The following VWF variants were observed in gnomAD, a reference collection of about 807,000 sequenced individuals.
VWF encodes von Willebrand factor, also known as Factor VIII related antigen.
VWF carries 176 observed loss-of-function variants against 308.6 expected under a neutral mutation model. The observed-to-expected ratio is 0.57, with a 90% CI of 0.50 to 0.65. VWF has a LOEUF of 0.65. Ranked by LOEUF, VWF falls within the 30% of genes least tolerant of loss-of-function variation. VWF has a pLI of 0.00. For missense variants in VWF, 3,146 were observed against 3,648.2 expected (o/e 0.86, Z 3.55); for synonymous variants, 1,385 against 1,443.4 (o/e 0.96, Z 0.92).
chr12:6,031,711 T>C, intron 20 of VWF, 133 bp from the exon 21 acceptor site: 1 of 1,375,020 alleles, frequency 7.3e-7, no homozygotes, highest in Non-Finnish European at 1.0e-6. Flanking sequence ...GCTGCGCATA[T>C]GTGCCTCTGT....
Position 6,018,446 on chromosome 12 carries a change from G to C in VWF, c.4972C>G (p.Pro1658Ala). Residue 1658 changes from proline to alanine, a missense_variant, in exon 28 of 52, where the codon CCC (proline) becomes GCC (alanine). Around this residue, in one of 3 missense-constraint regions of VWF, gnomAD observed 853 missense variants for 1,177.8 expected, o/e 0.72. Coordinates refer to ENST00000261405, the MANE Select transcript of VWF (RefSeq NM_000552.5). ...AGCACCAGGTCAGGAGCCTCTCGGG[G>C]GAGCGTCTCAAAGTCCTGGATGAGG... ...PILIQDFETLPREAPDLVLQR... is the reference protein window; with the variant it reads ...PILIQDFETLAREAPDLVLQR... 6.2e-7 allele frequency: 1 copy of C among 1,613,262 alleles called. No individual in the cohort carries two copies.
rs777889500 is a variant in VWF at position 6,080,150 on chromosome 12, C to G, written c.658-4599G>C. On this transcript the variant is annotated intron_variant, in intron 6 of 51. Coordinates refer to ENST00000261405, the MANE Select transcript of VWF (RefSeq NM_000552.5). ...AGGTGTTCTCACAGCCCTCTGGGGG[C>G]CTCTATTCTTGTACTGAAATGGTCC... Among the ~76,000 whole-genome samples, 3 of 152,286 alleles carry G rather than the reference C, an allele frequency of 2.0e-5. No homozygotes were observed. In the South Asian group the frequency reaches 6.2e-4, roughly 32 times the overall value.
chr12:6,044,244 A>G (rs1944422152), intron 18 of VWF, 47 bp downstream of exon 18: 5 of 1,610,514 alleles, frequency 3.1e-6, no homozygotes, highest in Non-Finnish European at 4.2e-6. Context: ...ATCCCTGCCT[A>G]CAAGAAAACT....
Position 6,075,427 on chromosome 12 carries a change from A to T in VWF, c.782T>A (p.Leu261Gln). 1 of 1,614,168 alleles carries T rather than the reference A, an allele frequency of 6.2e-7. No homozygotes were observed. The highest frequency in any genetic ancestry group is 8.5e-7 in the Non-Finnish European group (1 of 1,180,022). The change falls in exon 7 of 52, where the codon CTG (leucine) becomes CAG (glutamine). Residue 261 changes from leucine (L) to glutamine (Q), a missense_variant. Transcript: ENST00000261405. The surrounding 1 kb of genome is among the most constrained non-coding windows in gnomAD (Gnocchi z 4.7). The stretch of plus-strand genomic sequence containing the variant: ...CAGGAGGGCAGGGCAGGCGCACTCC[A>T]GCCCCCCAGCACACTCACACAAAGT... ...EKTLCECAGG[L>Q]ECACPALLEY...
chr12:6,079,596 T>A (rs993308700), intron 6 of VWF, among the ~76,000 whole-genome samples: 6 of 146,056 alleles, frequency 4.1e-5, no homozygotes, highest in Admixed American at 3.4e-4. Context: ...GGCGACAGAG[T>A]GAGACTCTGT....
chr12:6,068,114 G>A (rs1166602906), intron 10 of VWF, among the ~76,000 whole-genome samples: 13 of 142,206 alleles, frequency 9.1e-5, no homozygotes, highest in Non-Finnish European at 1.5e-4. Context: ...CAGCCTGGGC[G>A]ACTGAGTGAA....
chr12:6,041,534 C>T (rs1422514934), intron 18 of VWF, among the ~76,000 whole-genome samples: 3 of 151,912 alleles, frequency 2.0e-5, no homozygotes, highest in South Asian at 2.1e-4. Context: ...CTGCAACCTC[C>T]GCCTCCTGGG....
intron 2 of VWF, chr12:6,122,805 T>A (rs753770154): frequency 3.4e-6 from 2 of 593,198 alleles, no homozygotes; most frequent in African/African-American, 3.6e-5. Flanking sequence ...CCATGGGAGG[T>A]TCAACAAGGT....
intron 18 of VWF, among the ~76,000 whole-genome samples, chr12:6,041,509 T>C (rs931121229): frequency 6.6e-6 from 1 of 151,650 alleles, no homozygotes; most frequent in African/African-American, 2.4e-5. Context: ...AGTGCAGTGG[T>C]GCAATCTCAG....
At chr12:5,991,164 T>TTC (rs554859439) in intron 38 of VWF, among the ~76,000 whole-genome samples, 7 of 96,704 alleles carry the variant, frequency 7.2e-5, no homozygotes, top group African/African-American at 1.2e-4. Context: ...TCCCAAGGGA[T>TTC]TCTCACACAC....
At chr12:6,053,117 A>G (rs975109665) in intron 15 of VWF, among the ~76,000 whole-genome samples, 1 of 152,196 alleles carries the variant, frequency 6.6e-6, no homozygotes, top group African/African-American at 2.4e-5. Flanking sequence ...GGGAATGTGC[A>G]TTAGTCATCT....
intron 3 of VWF, among the ~76,000 whole-genome samples, chr12:6,116,137 G>C (rs1410837227): frequency 2.6e-5 from 4 of 152,260 alleles, no homozygotes; most frequent in Non-Finnish European, 5.9e-5. Flanking sequence ...GAGCCCAGGA[G>C]AGACCCCTGC....
At chr12:5,983,985 T>G (rs2136374135) in intron 40 of VWF, among the ~76,000 whole-genome samples, 1 of 104,072 alleles carries the variant, frequency 9.6e-6, no homozygotes, top group South Asian at 3.5e-4. Flanking sequence ...GATAGATAGA[T>G]AGATAGATAG....
Position 5,971,626 on chromosome 12 carries a change from C to A in VWF, c.7521G>T (p.Arg2507=). The A allele has an allele frequency of 6.2e-7, 1 of 1,614,178 alleles. No individual in the cohort carries two copies. The highest frequency in any genetic ancestry group is 8.5e-7 in the Non-Finnish European group (1 of 1,180,014). The change falls in exon 44 of 52, where the codon CGG becomes CGT. Residue 2507 remains arginine (R), a synonymous_variant. Coordinates refer to ENST00000261405, the MANE Select transcript of VWF (RefSeq NM_000552.5). ...TCTTCCAGGAAGACTGGGAGTCCCC[C>A]CGCGGTGAGCCAGTCACCACCTCAC... The part of the protein sequence containing the change: ...SACEVVTGSP[R]GDSQSSWKSV...
Position 5,967,554 on chromosome 12 carries a change from C to G in VWF, c.7819G>C (p.Val2607Leu). 6.2e-7 allele frequency: 1 copy of G among 1,614,142 alleles called. No individual in the cohort carries two copies. Among genetic ancestry groups the G allele is most frequent in the Non-Finnish European group, 8.5e-7 (1 of 1,180,020 alleles). The change falls in exon 47 of 52, where the codon GTG becomes CTG. Residue 2607 changes from valine to leucine, a missense_variant. Physicochemically the swap from Val to Leu is conservative, Grantham distance 32 (BLOSUM62 1). Transcript: ENST00000261405. Reference sequence around the variant, plus strand: ...AATCCAGAGATGACCCCCACCTGCACCATGCAGCGGCAGGTCGTGCACACA... The same window carrying G: ...AATCCAGAGATGACCCCCACCTGCAGCATGCAGCGGCAGGTCGTGCACACA... ...IDVCTTCRCM[V>L]QVGVISGFKL...
At chr12:6,117,557 A>G (rs1945381420) in intron 3 of VWF, among the ~76,000 whole-genome samples, 1 of 152,178 alleles carries the variant, frequency 6.6e-6, no homozygotes, top group Admixed American at 6.6e-5. Flanking sequence ...CAGTATCTCC[A>G]TTTTAAAGAT....
chr12:6,071,235 AGAG>A, intron 10 of VWF, 59 bp downstream of exon 10: 1 of 1,589,312 alleles, frequency 6.3e-7, no homozygotes, highest in East Asian at 2.2e-5. Context: ...GTCTGGTAAG[AGAG>A]GAGGAGACGC....
chr12:6,114,557 A>G (rs1945343770), intron 3 of VWF, among the ~76,000 whole-genome samples: 1 of 152,244 alleles, frequency 6.6e-6, no homozygotes, highest in African/African-American at 2.4e-5. Flanking sequence ...GAACCTGTCC[A>G]CACAGGCTGC....
At chr12:6,023,324 G>A (rs530541038) in intron 25 of VWF, among the ~76,000 whole-genome samples, 9 of 152,202 alleles carry the variant, frequency 5.9e-5, no homozygotes, top group African/African-American at 1.7e-4. Flanking sequence ...ATATAATCAC[G>A]CCTAATTAAA....
Sources: gnomAD v4.1 joint callset for allele counts (sites outside exome capture counted in the v4.1 genomes callset) on GRCh38, gnomAD v4.1.1 for gene constraint, gnomAD v4.1.1 regional missense constraint, Gnocchi (gnomAD v3.1) non-coding constraint, MANE v1.5 for transcripts, NCBI Gene and HGNC (gene_info 2026-07-23, HGNC 2026-07-21) for gene names.